The following DDX3X variants were observed in gnomAD, a reference collection of about 807,000 sequenced individuals.
The protein encoded by DDX3X is ATP-dependent RNA helicase DDX3X.
DDX3X carries 4 observed loss-of-function variants against 52.7 expected under a neutral mutation model. The ratio of observed to expected loss-of-function variants is 0.08; its 90% CI spans 0.04 to 0.17. The LOEUF (loss-of-function observed/expected upper bound fraction) is 0.17. Ranked by LOEUF, DDX3X falls within the 10% of genes least tolerant of loss-of-function variation. DDX3X has a pLI of 1.00. For missense variants in DDX3X, 222 were observed against 548.6 expected, an observed-to-expected ratio of 0.40 and a Z score of 5.95; for synonymous variants, 192 against 178.1, an observed-to-expected ratio of 1.08 and a Z score of -0.62.
intron 3 of DDX3X, chrX:41,341,011 G>GT (rs1382266916): frequency 4.2e-5 from 10 of 236,982 alleles, no homozygotes; most frequent in Non-Finnish European, 6.8e-5. Flanking sequence ...AGACAAGGGT[G>GT]TTTCACTCTT....
chrX:41,360,020 T>TA (rs1445059570), intron 5 of DDX3X, among the ~76,000 whole-genome samples: 1 of 107,892 alleles, frequency 9.3e-6, no homozygotes, highest in Non-Finnish European at 1.9e-5. Context: ...CATAAATAAA[T>TA]AAAACCCCAA....
intron 5 of DDX3X, chrX:41,358,028 TTTGGAAGGTTTCCTA>T (rs1344278063): frequency 7.2e-5 from 20 of 276,912 alleles, no homozygotes; most frequent in African/African-American, 5.5e-4. Flanking sequence ...GTAAGCACCT[TTTGGAAGGTTTCCTA>T]TCTGGGACAG....
chrX:41,359,210 C>G lies in DDX3X; in HGVS notation c.655-5064C>G, dbSNP rs778394091. Among the ~76,000 whole-genome samples the G allele has an allele frequency of 3.5e-5, 4 of 112,763 alleles. No homozygotes were observed. The South Asian group carries it at 1.4e-3, about 40-fold the overall frequency. ...TAAGTGATTTCACTTTTGCCCACCACAGGAATGAAGTCTTACTGCATTTAT... is the reference window on the plus strand; with the variant it reads ...TAAGTGATTTCACTTTTGCCCACCAGAGGAATGAAGTCTTACTGCATTTAT... On this transcript the variant is annotated intron_variant, in intron 5 of 5. Transcript: ENST00000616050.
chrX:41,334,743 C>A (rs2063735695), intron 1 of DDX3X: 2 of 972,981 alleles, frequency 2.1e-6, no homozygotes. Context: ...TGGCGGCACC[C>A]GGTGTTTGCG....
Position 41,344,423 on chromosome X carries a change from T to TTTTG in DDX3X, c.1025+27_1025+28insGTTT, listed in dbSNP as rs1555953586. 9 of 1,203,756 alleles carry TTTTG rather than the reference T, an allele frequency of 7.5e-6. No individual in the cohort carries two copies. The South Asian group carries it at 8.8e-5, about 12-fold the overall frequency. On this transcript the variant is annotated intron_variant, in intron 10 of 16. Coordinates refer to ENST00000644876, the MANE Select transcript of DDX3X (RefSeq NM_001356.5). ...AAGTATGTTTTATTTTGTTTTTGTT[T>TTTTG]TTTTGTTTTGTTTTGTTTTGTTCTT...
exon 6 of DDX3X, chrX:41,364,284 G>A (rs1027777100): frequency 1.8e-4 from 54 of 295,441 alleles, no homozygotes; most frequent in African/African-American, 1.2e-3. Context: ...AACTTGGAGC[G>A]TGATGCCCAG....
At chrX:41,354,374 C>T (rs982422726), downstream of DDX3X, among the ~76,000 whole-genome samples, 1 of 47,335 alleles carries the variant, frequency 2.1e-5, no homozygotes, top group African/African-American at 1.0e-4. Context: ...GACAGGGTTG[C>T]GCAGGCTGGT....
At chrX:41,336,452 C>G in intron 1 of DDX3X, 1 of 111,996 alleles carries the variant, frequency 8.9e-6, no homozygotes, top group Non-Finnish European at 1.9e-5. Context: ...TCAAAGTCAT[C>G]TTTGAACTTA....
At chrX:41,354,087 C>T (rs985021060), downstream of DDX3X, among the ~76,000 whole-genome samples, 3 of 111,179 alleles carry the variant, frequency 2.7e-5, no homozygotes, top group African/African-American at 9.8e-5. Context: ...TGTATAGATT[C>T]ACAGGAAGTT....
Position 41,344,142 on chromosome X carries a change from C to T in DDX3X, c.864+14C>T. ...GAAGCCAGAAAAGTAAGTATGAGTT[C>T]CAGTGATTATTAGCTTTTTCATTGA... is the stretch of plus-strand genomic sequence containing the variant. On this transcript the variant is annotated intron_variant, in intron 9 of 16. Transcript: ENST00000644876. The T allele has an allele frequency of 1.7e-6, 2 of 1,188,955 alleles. No individual in the cohort carries two copies. Among genetic ancestry groups the T allele is most frequent in the Non-Finnish European group, 2.3e-6 (2 of 881,827 alleles).
rs766426082 is a variant in DDX3X, at chrX:41,343,904, T to A, written c.765+82T>A. On this transcript the variant is annotated intron_variant, in intron 8 of 16. Coordinates refer to ENST00000644876, the MANE Select transcript of DDX3X (RefSeq NM_001356.5). ...GGGCTTTCTAAATGATGCTAAGACT[T>A]AAGTAGAATGAAAACCAGTTTTCAA... The A allele has an allele frequency of 4.0e-5, 40 of 1,006,431 alleles. No individual in the cohort carries two copies. In the South Asian group the frequency reaches 8.1e-4, roughly 20 times the overall value. 82.9% of individuals were successfully genotyped at this position (1,006,431 alleles called of 1,213,427 possible).
rs753655574 is a variant in DDX3X, at chrX:41,345,413, C to T, written c.1180C>T (p.Arg394Cys). The T allele has an allele frequency of 7.5e-6, 9 of 1,199,476 alleles. No homozygotes were observed. Among genetic ancestry groups the T allele is most frequent in the Admixed American group, 2.3e-5 (1 of 43,080 alleles). ...ATTTTTTTTCTTTCAGATGCTGGCT[C>T]GTGATTTCTTAGATGAATATATCTT... is the stretch of plus-strand genomic sequence containing the variant. ...TFPKEIQMLARDFLDEYIFLA... is the reference protein window; with the variant it reads ...TFPKEIQMLACDFLDEYIFLA... Residue 394 changes from arginine (R) to cysteine (C), a missense_variant, in exon 12 of 17, where the codon CGT becomes TGT. By Grantham distance (180) the Arg-to-Cys change is radical. Coordinates refer to ENST00000644876, the MANE Select transcript of DDX3X (RefSeq NM_001356.5).
At position 41,343,361 on chromosome X, in the gene DDX3X, A is replaced by G; in HGVS notation, c.679+10A>G. On this transcript the variant is annotated intron_variant, in intron 7 of 16. Transcript: ENST00000644876. Reference sequence around the variant, plus strand: ...GCTTGTGCCCAAACAGGTAAGCTCAACTCATAAGAGTAAAACATCATATTT... The same window carrying G: ...GCTTGTGCCCAAACAGGTAAGCTCAGCTCATAAGAGTAAAACATCATATTT... 1 of 1,181,088 alleles carries G rather than the reference A, an allele frequency of 8.5e-7. No individual in the cohort carries two copies.
At chrX:41,334,467 GCTGTCGCCCGGGCC>G (rs1213345201) in intron 1 of DDX3X, 170 bp downstream of exon 1, 1 of 1,101,092 alleles carries the variant, frequency 9.1e-7, no homozygotes. Context: ...GTTGGTTGGG[GCTGTCGCCCGGGCC>G]CGGTCTCGGC....
intron 1 of DDX3X, chrX:41,336,291 G>A (rs1256212122): frequency 9.0e-6 from 1 of 111,602 alleles, no homozygotes; most frequent in African/African-American, 3.3e-5. Flanking sequence ...GTAGTTCCTG[G>A]TTATAAAACG....
intron 1 of DDX3X, chrX:41,334,949 C>T (rs1382668010): frequency 2.0e-5 from 4 of 204,893 alleles, no homozygotes; most frequent in African/African-American, 3.2e-5. Context: ...GGGTTCCTTC[C>T]GCTGGCTTTT....
chrX:41,334,585 G>T (rs1349365426), intron 1 of DDX3X: 1 of 1,084,015 alleles, frequency 9.2e-7, no homozygotes, highest in Admixed American at 3.3e-5. Flanking sequence ...GCTCTCGCGG[G>T]GACGCGCATG....
rs374618680 is a variant in DDX3X, at chrX:41,343,524, G to A, written c.679+173G>A. 39 of 529,706 alleles carry A rather than the reference G, an allele frequency of 7.4e-5. 1 individual carries two copies. The African/African-American group carries it at 8.8e-4, about 12-fold the overall frequency. The allele number at this position is 529,706 out of a possible 1,213,427, so 43.7% of individuals were successfully genotyped here. ...TATTGGTTACGGCTGTATTCCGTAA[G>A]AGCTTTATTTATAAAAATAACAGGC... On this transcript the variant is annotated intron_variant, in intron 7 of 16. Transcript: ENST00000644876.
rs143137936 is a variant in DDX3X, at chrX:41,357,311, A to C, written c.655-6963A>C. 4.8e-3 allele frequency among the ~76,000 whole-genome samples: 530 copies of C among 110,901 alleles called. 3 individuals are homozygous for C. The highest frequency in any genetic ancestry group is 0.017 in the African/African-American group (508 of 30,532). ...TCTCACTTTATTATAGTTTTGCAAA[A>C]GTAATTTAGCTCTTCTAGTTCCTTT... On this transcript the variant is annotated intron_variant, in intron 5 of 5. Coordinates refer to the DDX3X transcript ENST00000616050.
Sources: gnomAD v4.1 joint callset for allele counts (sites outside exome capture counted in the v4.1 genomes callset) on GRCh38, gnomAD v4.1.1 for gene constraint, MANE v1.5 for transcripts, NCBI Gene and HGNC (gene_info 2026-07-23, HGNC 2026-07-21) for gene names.